PRR16: variants seen among roughly 807,000 people sequenced by gnomAD.
PRR16 encodes the protein proline rich 16.
A neutral mutation model predicts 18.2 loss-of-function variants in PRR16; 6 were observed. The observed-to-expected ratio is 0.33, with a 90% confidence interval of 0.18 to 0.65. The LOEUF is 0.65. Among genes scored for constraint, PRR16 ranks in the 30% least tolerant of loss-of-function variants. The pLI is 0.74. For missense variants in PRR16, 412 were observed against 376.6 expected (o/e 1.09, Z -0.78); for synonymous variants, 151 against 147.8 (o/e 1.02, Z -0.16).
intron 1 of PRR16, among the ~76,000 whole-genome samples, chr5:120,629,700 A>G (rs1313388509): frequency 2.0e-5 from 3 of 151,960 alleles, no homozygotes; most frequent in Non-Finnish European, 4.4e-5. Context: ...TTAAAATACA[A>G]CCTTTAGTTC....
chr5:120,583,527 A>G (rs149122497), intron 1 of PRR16, among the ~76,000 whole-genome samples: 1 of 152,230 alleles, frequency 6.6e-6, no homozygotes, highest in Admixed American at 6.5e-5. Context: ...TTAAATTGGT[A>G]TTTGTACTGA....
At chr5:120,673,804 A>T (rs1427577213) in intron 1 of PRR16, among the ~76,000 whole-genome samples, 3 of 151,996 alleles carry the variant, frequency 2.0e-5, no homozygotes, top group Non-Finnish European at 4.4e-5. Context: ...AACAAAAAAA[A>T]ATTAGCCCGG....
chr5:120,600,850 T>C (rs1753958415), intron 1 of PRR16, among the ~76,000 whole-genome samples: 1 of 151,986 alleles, frequency 6.6e-6, no homozygotes, highest in South Asian at 2.1e-4. Context: ...CCTGTGTTAA[T>C]TTGCTTAGGA....
chr5:120,551,984 A>T (rs1752268438), intron 1 of PRR16, among the ~76,000 whole-genome samples: 1 of 151,988 alleles, frequency 6.6e-6, no homozygotes. Flanking sequence ...ACCAGAAAAT[A>T]ACTTTCTTGC....
chr5:120,717,515 C>G, the PRR16 span, among the ~76,000 whole-genome samples: 6 of 63,196 alleles, frequency 9.5e-5, no homozygotes, highest in Non-Finnish European at 1.6e-4. Flanking sequence ...CTACTTCTTA[C>G]ACCCGTGTAT....
intron 1 of PRR16, among the ~76,000 whole-genome samples, chr5:120,558,279 C>A (rs752749113): frequency 6.6e-5 from 10 of 151,944 alleles, no homozygotes; most frequent in Non-Finnish European, 1.0e-4. Flanking sequence ...ACCATCCACA[C>A]CTACCCACTA....
intron 1 of PRR16, among the ~76,000 whole-genome samples, chr5:120,628,694 CCATCTAT>C (rs1754952679): frequency 7.9e-6 from 1 of 126,688 alleles, no homozygotes; most frequent in South Asian, 2.7e-4. Flanking sequence ...TATCATTCTA[CCATCTAT>C]CTATCTATCT....
chr5:120,671,168 C>G (rs1756589381), intron 1 of PRR16, among the ~76,000 whole-genome samples: 1 of 152,118 alleles, frequency 6.6e-6, no homozygotes, highest in African/African-American at 2.4e-5. Context: ...TTTTGTATTC[C>G]TAGAACTCTC....
chr5:120,597,282 C>G (rs1354661631), intron 1 of PRR16, among the ~76,000 whole-genome samples: 1 of 151,412 alleles, frequency 6.6e-6, no homozygotes, highest in Non-Finnish European at 1.5e-5. Context: ...TTATAATTTA[C>G]AGTAAAAATT....
intron 1 of PRR16, among the ~76,000 whole-genome samples, chr5:120,501,042 T>A (rs541972850): frequency 3.3e-5 from 5 of 152,126 alleles, no homozygotes; most frequent in Non-Finnish European, 7.4e-5. Flanking sequence ...AATGATAGAT[T>A]AAGTATTTTC....
chr5:120,550,010 C>G (rs1479935683), intron 1 of PRR16, among the ~76,000 whole-genome samples: 1 of 151,788 alleles, frequency 6.6e-6, no homozygotes, highest in Non-Finnish European at 1.5e-5. Context: ...CAAAACTTTC[C>G]TAGAAGAAAT....
At chr5:120,600,877 G>A (rs549840564) in intron 1 of PRR16, among the ~76,000 whole-genome samples, 1 of 151,982 alleles carries the variant, frequency 6.6e-6, no homozygotes, top group South Asian at 2.1e-4. Flanking sequence ...CCTCCAGCTT[G>A]CATCCGTGTT....
intron 1 of PRR16, among the ~76,000 whole-genome samples, chr5:120,625,858 T>C (rs1374594844): frequency 6.6e-6 from 1 of 152,166 alleles, no homozygotes; most frequent in Non-Finnish European, 1.5e-5. Flanking sequence ...GAGCATCATC[T>C]AACCCTCATG....
At chr5:120,665,026 C>T (rs1388969764) in intron 1 of PRR16, among the ~76,000 whole-genome samples, 9 of 150,430 alleles carry the variant, frequency 6.0e-5, no homozygotes, top group Non-Finnish European at 1.0e-4. Flanking sequence ...CCTGAGGAAT[C>T]GCCACACTGA....
intron 1 of PRR16, among the ~76,000 whole-genome samples, chr5:120,591,469 C>T (rs1415012623): frequency 1.3e-5 from 2 of 151,628 alleles, no homozygotes; most frequent in South Asian, 2.1e-4. Flanking sequence ...AATCCTTATT[C>T]GTTTATGAAA....
chr5:120,765,189 C>G, the PRR16 span, among the ~76,000 whole-genome samples: 74,859 of 151,872 alleles, frequency 0.49, 19,587 homozygotes, highest in East Asian at 0.79. Flanking sequence ...GGGTCATGAA[C>G]AATTGCATGA....
intron 1 of PRR16, among the ~76,000 whole-genome samples, chr5:120,549,001 C>T (rs1242540346): frequency 6.6e-6 from 1 of 151,298 alleles, no homozygotes; most frequent in Non-Finnish European, 1.5e-5. Flanking sequence ...ACTCATATAT[C>T]CATTTGACTT....
chr5:120,504,861 C>T (rs1750588252), intron 1 of PRR16, among the ~76,000 whole-genome samples: 1 of 152,152 alleles, frequency 6.6e-6, no homozygotes, highest in African/African-American at 2.4e-5. Flanking sequence ...ATAAATCCCC[C>T]AAGGCCCATA....
the PRR16 span, among the ~76,000 whole-genome samples, chr5:120,757,210 G>A: frequency 6.6e-6 from 1 of 151,936 alleles, no homozygotes; most frequent in Non-Finnish European, 1.5e-5. Context: ...TGATGTTTTG[G>A]TTACTGTAGC....
Sources: gnomAD v4.1 joint callset for allele counts (sites outside exome capture counted in the v4.1 genomes callset) on GRCh38, gnomAD v4.1.1 for gene constraint, MANE v1.5 for transcripts, NCBI Gene and HGNC (gene_info 2026-07-23, HGNC 2026-07-21) for gene names.